The following PVR variants were observed in gnomAD, a reference collection of about 807,000 sequenced individuals.
PVR encodes PVR cell adhesion molecule, also known as poliovirus receptor.
A neutral mutation model predicts 43.3 loss-of-function variants in PVR; 39 were observed. That is an observed-to-expected ratio of 0.90 (90% CI 0.70 to 1.18). PVR has a LOEUF of 1.18. Among genes scored for constraint, PVR ranks in the 50% most tolerant of loss-of-function variants. The pLI is 0.00. For missense variants in PVR, 480 were observed against 549.7 expected, an observed-to-expected ratio of 0.87 and a Z score of 1.27; for synonymous variants, 224 against 233.2, an observed-to-expected ratio of 0.96 and a Z score of 0.36.
intron 5 of PVR, 87 bp downstream of exon 5, chr19:44,657,997 C>A: frequency 7.1e-7 from 1 of 1,414,774 alleles, no homozygotes; most frequent in Non-Finnish European, 9.6e-7. Context: ...GGCTCCCATC[C>A]TTCTCCTAAG....
At chr19:44,645,346 A>T (rs2123743148) in intron 1 of PVR, among the ~76,000 whole-genome samples, 1 of 122,662 alleles carries the variant, frequency 8.2e-6, no homozygotes, top group African/African-American at 3.3e-5. Context: ...ATAATAAATA[A>T]TATATATTTT....
chr19:44,650,561 C>CT (rs869225120), intron 3 of PVR, among the ~76,000 whole-genome samples: 5,538 of 135,524 alleles, frequency 0.041, 362 homozygotes, highest in African/African-American at 0.13. Context: ...TCTTTCTTTC[C>CT]TTTTTTTTTT....
In PVR at chr19:44,658,791, C is replaced by A. The variant is rs139267469; in HGVS notation, c.1041C>A (p.Phe347Leu). The A allele has an allele frequency of 1.7e-3, 2,819 of 1,612,878 alleles. 3 individuals carry two copies. The highest frequency in any genetic ancestry group is 2.1e-3 in the Non-Finnish European group (2,526 of 1,178,856). Residue 347 changes from phenylalanine to leucine, a missense_variant, in exon 6 of 8, where the codon TTC becomes TTA. Coordinates refer to ENST00000425690, the MANE Select transcript of PVR (RefSeq NM_006505.5). Reference protein sequence around the residue: ...HSGMSRNAIIFLVLGILVFLI... With the variant: ...HSGMSRNAIILLVLGILVFLI... ...GCATGTCCCGTAACGCCATCATCTT[C>A]CTGGTTCTGGGAATCCTGGTTTTTC... is the stretch of plus-strand genomic sequence containing the variant.
At chr19:44,645,413 GTGTATATATATA>G (rs1166969124) in intron 1 of PVR, among the ~76,000 whole-genome samples, 13 of 52,094 alleles carry the variant, frequency 2.5e-4, no homozygotes, top group Admixed American at 7.7e-4. Context: ...TATATGTTTT[GTGTATATATATA>G]TATATATATA....
rs1973607310 is a variant in PVR, at chr19:44,662,127, G to A, written c.*316G>A. Reference sequence around the variant, plus strand: ...CACGTTCCACGACAGATGAGGCGACGGCTTCCATCTGCCCTCTCCCAGTGG... The same window carrying A: ...CACGTTCCACGACAGATGAGGCGACAGCTTCCATCTGCCCTCTCCCAGTGG... On this transcript the variant is annotated 3_prime_UTR_variant, in exon 8 of 8. Coordinates refer to ENST00000425690, the MANE Select transcript of PVR (RefSeq NM_006505.5). 9.0e-6 allele frequency: 3 copies of A among 333,878 alleles called. No homozygotes were observed. Among genetic ancestry groups the A allele is most frequent in the African/African-American group, 2.0e-5 (1 of 48,966 alleles). 20.7% of individuals were successfully genotyped at this position (333,878 alleles called of 1,614,324 possible).
Position 44,654,017 on chromosome 19 carries a change from C to T in PVR, c.842C>T (p.Thr281Met), listed in dbSNP as rs766414749. Residue 281 changes from threonine (T) to methionine (M), a missense_variant and splice_region_variant, in exon 4 of 8, where the codon ACG (threonine) becomes ATG (methionine). Coordinates refer to ENST00000425690, the MANE Select transcript of PVR (RefSeq NM_006505.5). ...NPEPTGYNWSTTMGPLPPFAV... is the reference protein window; with the variant it reads ...NPEPTGYNWSMTMGPLPPFAV... The stretch of plus-strand genomic sequence containing the variant: ...GAGCCCACAGGCTATAATTGGAGCA[C>T]GTGAGTCCTGGGTCTCAGGGAGGAG... 2.2e-5 allele frequency: 36 copies of T among 1,608,928 alleles called. No individual in the cohort carries two copies. Among genetic ancestry groups the T allele is most frequent in the Middle Eastern group, 1.6e-4 (1 of 6,062 alleles).
In PVR at chr19:44,657,818, G is replaced by T; in HGVS notation, c.899G>T (p.Arg300Leu). 6.2e-7 allele frequency: 1 copy of T among 1,614,052 alleles called. No homozygotes were observed. The highest frequency in any genetic ancestry group is 8.5e-7 in the Non-Finnish European group (1 of 1,179,980). Residue 300 changes from arginine (R) to leucine (L), a missense_variant, in exon 5 of 8, where the codon CGT becomes CTT. Physicochemically the swap from Arg to Leu is moderately radical, Grantham distance 102 (BLOSUM62 -2). Coordinates refer to ENST00000425690, the MANE Select transcript of PVR (RefSeq NM_006505.5). ...AVAQGAQLLIRPVDKPINTTL... is the reference protein window; with the variant it reads ...AVAQGAQLLILPVDKPINTTL... ...GCCCAGGGCGCCCAGCTCCTGATCC[G>T]TCCTGTGGACAAACCAATCAACACA...
rs1457136180 is a variant in PVR, at chr19:44,663,157, A to T, written c.*1346A>T. Reference sequence around the variant, plus strand: ...ACACGCTCCTATAGGACCAAGATGGATGCGACCCAAGACCCAGGAGGCCCA... The same window carrying T: ...ACACGCTCCTATAGGACCAAGATGGTTGCGACCCAAGACCCAGGAGGCCCA... On this transcript the variant is annotated 3_prime_UTR_variant, in exon 8 of 8. Coordinates refer to ENST00000425690, the MANE Select transcript of PVR (RefSeq NM_006505.5). 6.6e-6 allele frequency: 1 copy of T among 152,414 alleles called. No individual in the cohort carries two copies. Among genetic ancestry groups the T allele is most frequent in the Non-Finnish European group, 1.5e-5 (1 of 68,184 alleles). 9.4% of individuals were successfully genotyped at this position (152,414 alleles called of 1,614,324 possible).
rs145805807 is a variant in PVR, at chr19:44,647,484, G to A, written c.341G>A (p.Arg114His). The change falls in exon 2 of 8, where the codon CGC becomes CAC. Residue 114 changes from arginine to histidine, a missense_variant. Arg to His is a conservative substitution (Grantham distance 29). Coordinates refer to ENST00000425690, the MANE Select transcript of PVR (RefSeq NM_006505.5). Reference sequence around the variant, plus strand: ...GCCTCGCTGAGGATGTTCGGGTTGCGCGTAGAGGATGAAGGCAACTACACC... The same window carrying A: ...GCCTCGCTGAGGATGTTCGGGTTGCACGTAGAGGATGAAGGCAACTACACC... ...RNASLRMFGL[R>H]VEDEGNYTCL... 3 of 1,614,126 alleles carry A rather than the reference G, an allele frequency of 1.9e-6. No individual in the cohort carries two copies. The highest frequency in any genetic ancestry group is 2.5e-6 in the Non-Finnish European group (3 of 1,180,008).
At chr19:44,656,363 T>C (rs974313930) in intron 4 of PVR, among the ~76,000 whole-genome samples, 5 of 152,194 alleles carry the variant, frequency 3.3e-5, no homozygotes, top group African/African-American at 1.2e-4. Flanking sequence ...ACTGGTGTGA[T>C]GGTGCCTTTA....
At chr19:44,649,427 CTTTTTTTTTT>C (rs35536545) in intron 2 of PVR, among the ~76,000 whole-genome samples, 1 of 125,454 alleles carries the variant, frequency 8.0e-6, no homozygotes, top group Non-Finnish European at 1.6e-5. Context: ...CATTCTGTAT[CTTTTTTTTTT>C]TTTTTTTTTT....
At position 44,661,330 on chromosome 19, in the gene PVR, G is replaced by A. The variant is rs769571678; in HGVS notation, c.1182+7G>A. 1 of 1,613,800 alleles carries A rather than the reference G, an allele frequency of 6.2e-7. No individual in the cohort carries two copies. Among genetic ancestry groups the A allele is most frequent in the African/African-American group, 1.3e-5 (1 of 75,046 alleles). On this transcript the variant is annotated splice_region_variant and intron_variant, in intron 7 of 7. Transcript: ENST00000425690. Reference sequence around the variant, plus strand: ...CAGCGCCTCAGCTAATGGGGTAAGTGCAGTGTTGGAGCTAAGGAGGGTGTG... The same window carrying A: ...CAGCGCCTCAGCTAATGGGGTAAGTACAGTGTTGGAGCTAAGGAGGGTGTG...
chr19:44,657,160 C>T (rs1314674320), intron 4 of PVR, among the ~76,000 whole-genome samples: 4 of 152,148 alleles, frequency 2.6e-5, no homozygotes, highest in Non-Finnish European at 5.9e-5. Context: ...TGGGCAAACC[C>T]ATTTCTATCC....
chr19:44,657,841 A>T lies in PVR; in HGVS notation c.922A>T (p.Thr308Ser), dbSNP rs199893666. 6.2e-7 allele frequency: 1 copy of T among 1,614,010 alleles called. No individual in the cohort carries two copies. Among genetic ancestry groups the T allele is most frequent in the African/African-American group, 1.3e-5 (1 of 75,022 alleles). The change falls in exon 5 of 8, where the codon ACA becomes TCA. Residue 308 changes from threonine (T) to serine (S), a missense_variant. Thr to Ser is a moderately conservative substitution (Grantham distance 58, BLOSUM62 1). Transcript: ENST00000425690. ...CCGTCCTGTGGACAAACCAATCAAC[A>T]CAACTTTAATCTGCAACGTCACCAA... ...LIRPVDKPIN[T>S]TLICNVTNAL... is the part of the protein sequence containing the mutation.
intron 2 of PVR, among the ~76,000 whole-genome samples, chr19:44,649,214 T>C (rs1973210616): frequency 6.6e-6 from 1 of 152,128 alleles, no homozygotes; most frequent in African/African-American, 2.4e-5. Flanking sequence ...CCAGGGCTAT[T>C]TTGGTCACTG....
At chr19:44,645,168 T>A (rs1213780226) in intron 1 of PVR, among the ~76,000 whole-genome samples, 6 of 69,872 alleles carry the variant, frequency 8.6e-5, no homozygotes, top group Admixed American at 2.6e-4. Flanking sequence ...ATATGTATAT[T>A]ATATATTATA....
chr19:44,647,444 G>A lies in PVR; in HGVS notation c.301G>A (p.Ala101Thr), dbSNP rs1195877598. The A allele has an allele frequency of 1.2e-6, 2 of 1,613,974 alleles. No homozygotes were observed. Among genetic ancestry groups the A allele is most frequent in the Admixed American group, 1.7e-5 (1 of 59,998 alleles). The change falls in exon 2 of 8, where the codon GCG (alanine) becomes ACG (threonine). Residue 101 changes from alanine to threonine, a missense_variant. Coordinates refer to ENST00000425690, the MANE Select transcript of PVR (RefSeq NM_006505.5). ...GGAATTCGTGGCAGCCAGACTGGGC[G>A]CGGAGCTGCGGAATGCCTCGCTGAG... ...RLEFVAARLG[A>T]ELRNASLRMF...
At chr19:44,655,494 A>G (rs1599769739) in intron 4 of PVR, among the ~76,000 whole-genome samples, 1 of 152,304 alleles carries the variant, frequency 6.6e-6, no homozygotes, top group Non-Finnish European at 1.5e-5. Context: ...GTTCAAGTGT[A>G]CCCAGCCACC....
chr19:44,658,763 CA>C lies in PVR; in HGVS notation c.1014del (p.Gly339AlafsTer18). ...TCAGAGGGACCTCCCAGTGAGCACT[CA>C]GGCATGTCCCGTAACGCCATCATCT... ...QVKEGPPSEH[S>X]GMSRNAIIFL... On this transcript the variant is annotated frameshift_variant, in exon 6 of 8. Coordinates refer to ENST00000425690, the MANE Select transcript of PVR (RefSeq NM_006505.5). LOFTEE classifies it high-confidence loss of function. 2 of 1,610,428 alleles carry C rather than the reference CA, an allele frequency of 1.2e-6. No homozygotes were observed. Among genetic ancestry groups the C allele is most frequent in the South Asian group, 2.2e-5 (2 of 90,934 alleles).
Sources: gnomAD v4.1 joint callset for allele counts (sites outside exome capture counted in the v4.1 genomes callset) on GRCh38, gnomAD v4.1.1 for gene constraint, MANE v1.5 for transcripts, NCBI Gene and HGNC (gene_info 2026-07-23, HGNC 2026-07-21) for gene names.